MAML2: variants seen among roughly 807,000 people sequenced by gnomAD.
The protein encoded by MAML2 is mastermind like transcriptional coactivator 2, also known as mastermind-like protein 2.
MAML2 carries 22 observed loss-of-function variants against 96.1 expected under a neutral mutation model. The ratio of observed to expected loss-of-function variants is 0.23; its 90% confidence interval spans 0.16 to 0.33. The LOEUF (loss-of-function observed/expected upper bound fraction) is 0.33, where lower values mean the gene tolerates loss of function less well. Ranked by LOEUF, MAML2 falls within the 10% of genes least tolerant of loss-of-function variation. The probability of loss-of-function intolerance (pLI) is 1.00; values close to 1 mark genes in which losing one functional copy is unlikely to be tolerated. For synonymous variants in MAML2, 561 were observed against 521.3 expected, an observed-to-expected ratio of 1.08 and a Z score of -1.04; for missense variants, 1,367 against 1,392.4, an observed-to-expected ratio of 0.98 and a Z score of 0.29.
At chr11:96,026,627 G>A (rs923897240) in intron 2 of MAML2, among the ~76,000 whole-genome samples, 1 of 151,906 alleles carries the variant, frequency 6.6e-6, no homozygotes, top group African/African-American at 2.4e-5. Flanking sequence ...CCTTTTCAAG[G>A]TGATCAAAAG....
intron 1 of MAML2, among the ~76,000 whole-genome samples, chr11:96,261,523 G>T (rs924129150): frequency 1.4e-4 from 21 of 152,152 alleles, no homozygotes; most frequent in Non-Finnish European, 1.3e-4. Flanking sequence ...GTATATTTAT[G>T]TTTATACAAG....
intron 1 of MAML2, among the ~76,000 whole-genome samples, chr11:96,255,109 C>T (rs759642134): frequency 3.5e-4 from 54 of 152,164 alleles, no homozygotes; most frequent in Admixed American, 9.2e-4. Flanking sequence ...GGATTACAGG[C>T]GCAAGTTACC....
At chr11:96,259,814 C>G (rs945869312) in intron 1 of MAML2, among the ~76,000 whole-genome samples, 1 of 152,090 alleles carries the variant, frequency 6.6e-6, no homozygotes, top group African/African-American at 2.4e-5. Context: ...TCTTCTTTTT[C>G]TGAACAATCT....
intron 2 of MAML2, among the ~76,000 whole-genome samples, chr11:96,088,777 G>A (rs535042319): frequency 1.3e-5 from 2 of 152,218 alleles, no homozygotes; most frequent in Admixed American, 6.5e-5. Flanking sequence ...TCATTTACCT[G>A]TAGGAAAATA....
intron 2 of MAML2, among the ~76,000 whole-genome samples, chr11:95,992,104 A>G (rs1403324366): frequency 6.6e-6 from 1 of 152,234 alleles, no homozygotes; most frequent in African/African-American, 2.4e-5. Context: ...GTTAGCATGT[A>G]TCATTGCTGA....
rs1400152705 is a variant in MAML2, at chr11:96,341,570, G to A, written c.326C>T (p.Pro109Leu). Residue 109 changes from proline (P) to leucine (L), a missense_variant, in exon 1 of 5, where the codon CCT (proline) becomes CTT (leucine). By Grantham distance (98) the Pro-to-Leu change is moderately conservative (BLOSUM62 -3). Coordinates refer to ENST00000524717, the MANE Select transcript of MAML2 (RefSeq NM_032427.4). ...TTGGGAGGCCGCAGGAGGGGCAGCA[G>A]GGGGCGGTGGAGGGGCTGTAGTGGT... ...AATTTAPPPPPAAPPAASQAA... is the reference protein window; with the variant it reads ...AATTTAPPPPLAAPPAASQAA... The A allele has an allele frequency of 8.4e-6, 13 of 1,551,198 alleles. No homozygotes were observed. The Admixed American group carries it at 1.6e-4, about 19-fold the overall frequency.
At chr11:96,212,108 A>AGTGTGTGTGTGTGT (rs72133828) in intron 1 of MAML2, among the ~76,000 whole-genome samples, 89 of 134,242 alleles carry the variant, frequency 6.6e-4, no homozygotes, top group African/African-American at 2.0e-3. Flanking sequence ...AGGAAGACAA[A>AGTGTGTGTGTGTGT]GTGTGTGTGT....
chr11:96,270,743 C>T (rs564582925), intron 1 of MAML2, among the ~76,000 whole-genome samples: 1 of 152,326 alleles, frequency 6.6e-6, no homozygotes, highest in South Asian at 2.1e-4. Flanking sequence ...CTGCTTAAAA[C>T]CCTCCAGTAC....
intron 1 of MAML2, among the ~76,000 whole-genome samples, chr11:96,198,962 C>T (rs1334912578): frequency 6.6e-6 from 1 of 151,692 alleles, no homozygotes; most frequent in African/African-American, 2.4e-5. Flanking sequence ...CTTTGGGAGG[C>T]CGAGGCAGGC....
intron 2 of MAML2, among the ~76,000 whole-genome samples, chr11:96,040,893 A>G (rs1282136400): frequency 1.3e-5 from 2 of 152,236 alleles, no homozygotes; most frequent in Non-Finnish European, 2.9e-5. Context: ...TTTTATTTAT[A>G]TAAATGGAAT....
At position 96,342,642 on chromosome 11, in the gene MAML2, A is replaced by G. The variant is rs1461874222; in HGVS notation, c.-747T>C. 2.6e-6 allele frequency: 1 copy of G among 384,524 alleles called. No homozygotes were observed. The highest frequency in any genetic ancestry group is 2.1e-5 in the African/African-American group (1 of 48,422). The allele number at this position is 384,524 out of a possible 1,614,324, so 23.8% of individuals were successfully genotyped here. On this transcript the variant is annotated 5_prime_UTR_variant, in exon 1 of 5. Coordinates refer to ENST00000524717, the MANE Select transcript of MAML2 (RefSeq NM_032427.4). The stretch of plus-strand genomic sequence containing the variant: ...CCCAAAAGAGGGAGACAGCTTTTCA[A>G]CTGTTAACAATGTCAGTAATTGGAC...
At chr11:96,332,587 C>T (rs1863868390) in intron 1 of MAML2, among the ~76,000 whole-genome samples, 1 of 152,190 alleles carries the variant, frequency 6.6e-6, no homozygotes, top group South Asian at 2.1e-4. Flanking sequence ...TGTTTACTCT[C>T]ATCTCTGCAC....
chr11:96,340,744 TGA>T (rs1212189449), intron 1 of MAML2, among the ~76,000 whole-genome samples: 1 of 151,850 alleles, frequency 6.6e-6, no homozygotes, highest in Admixed American at 6.6e-5. Flanking sequence ...GGCTCAGGAG[TGA>T]GAGAGTCTAG....
chr11:96,218,245 C>T (rs1483924921), intron 1 of MAML2, among the ~76,000 whole-genome samples: 1 of 152,160 alleles, frequency 6.6e-6, no homozygotes, highest in Non-Finnish European at 1.5e-5. Flanking sequence ...CTGGCTTTGA[C>T]TTGGTTTAAA....
intron 1 of MAML2, among the ~76,000 whole-genome samples, chr11:96,317,773 A>G (rs1863650809): frequency 2.0e-5 from 3 of 152,240 alleles, no homozygotes; most frequent in Admixed American, 2.0e-4. Context: ...AGACTGACAG[A>G]AGGAGACAGA....
In MAML2 at chr11:96,340,899, C is replaced by T. The variant is rs989064692; in HGVS notation, c.513+484G>A. On this transcript the variant is annotated intron_variant, in intron 1 of 4. Coordinates refer to ENST00000524717, the MANE Select transcript of MAML2 (RefSeq NM_032427.4). ...AGCTTACCATTTATGTTCTCTTAAG[C>T]GAAGAAGAAGGGGGTCACTTCAAAA... Among the ~76,000 whole-genome samples, 7 of 152,008 alleles carry T rather than the reference C, an allele frequency of 4.6e-5. 1 individual carries two copies. The Middle Eastern group carries it at 0.01, about 222-fold the overall frequency.
At chr11:96,019,731 TA>T (rs1858408396) in intron 2 of MAML2, among the ~76,000 whole-genome samples, 3 of 150,186 alleles carry the variant, frequency 2.0e-5, no homozygotes, top group African/African-American at 7.3e-5. Flanking sequence ...AATACACATG[TA>T]GAACCAGACA....
intron 1 of MAML2, among the ~76,000 whole-genome samples, chr11:96,229,695 T>G (rs560144837): frequency 6.6e-6 from 1 of 152,100 alleles, no homozygotes; most frequent in South Asian, 2.1e-4. Context: ...GAATGAGTAC[T>G]TCATTGCATT....
At chr11:96,126,824 C>T (rs1860446448) in intron 1 of MAML2, among the ~76,000 whole-genome samples, 1 of 152,270 alleles carries the variant, frequency 6.6e-6, no homozygotes, top group East Asian at 1.9e-4. Context: ...GGACACCTTG[C>T]TAGGCCCTTA....
Sources: gnomAD v4.1 joint callset for allele counts (sites outside exome capture counted in the v4.1 genomes callset) on GRCh38, gnomAD v4.1.1 for gene constraint, MANE v1.5 for transcripts, NCBI Gene and HGNC (gene_info 2026-07-23, HGNC 2026-07-21) for gene names.